Variants in FER1L6 observed in about 807,000 individuals in gnomAD.
The protein encoded by FER1L6 is fer-1-like protein 6.
FER1L6 carries 177 observed loss-of-function variants against 219.2 expected under a neutral mutation model. The ratio of observed to expected loss-of-function variants is 0.81; its 90% CI spans 0.71 to 0.91. The LOEUF (loss-of-function observed/expected upper bound fraction) is 0.91, where lower values mean the gene tolerates loss of function less well. Among genes scored for constraint, FER1L6 ranks in the 40% least tolerant of loss-of-function variants. The pLI, the probability that FER1L6 is intolerant of heterozygous loss-of-function variation, is 0.00. For missense variants in FER1L6, 2,153 were observed against 2,259.9 expected (o/e 0.95, Z 0.96); for synonymous variants, 768 against 824.3 (o/e 0.93, Z 1.17).
At chr8:123,977,269 C>G in intron 9 of FER1L6, 148 bp from the exon 10 acceptor site, 1 of 715,704 alleles carries the variant, frequency 1.4e-6, no homozygotes. Context: ...TCATCAGTCA[C>G]GTTCGCTGAG....
At chr8:123,983,653 G>T (rs1394411771) in intron 11 of FER1L6, among the ~76,000 whole-genome samples, 2 of 152,100 alleles carry the variant, frequency 1.3e-5, no homozygotes, top group African/African-American at 2.4e-5. Context: ...GTTACTGCTT[G>T]GCCTCTGGGG....
chr8:124,043,247 G>A (rs1206355695), intron 20 of FER1L6, among the ~76,000 whole-genome samples: 4 of 152,162 alleles, frequency 2.6e-5, no homozygotes, highest in Non-Finnish European at 5.9e-5. Flanking sequence ...TCATAACTCC[G>A]CAGGGTAGGT....
chr8:124,035,503 T>C (rs1434418804), intron 19 of FER1L6, 49 bp downstream of exon 19: 1 of 1,556,320 alleles, frequency 6.4e-7, no homozygotes, highest in African/African-American at 1.4e-5. Flanking sequence ...TCAGGTGGGC[T>C]TCTGAAAAGA....
At chr8:124,056,976 G>A (rs762927764) in intron 22 of FER1L6, among the ~76,000 whole-genome samples, 21 of 152,134 alleles carry the variant, frequency 1.4e-4, no homozygotes, top group Non-Finnish European at 2.5e-4. Flanking sequence ...CCTGGGAGGC[G>A]GAGGTTGCAG....
intron 12 of FER1L6, among the ~76,000 whole-genome samples, chr8:123,988,353 C>A (rs1816693152): frequency 6.6e-6 from 1 of 152,088 alleles, no homozygotes; most frequent in Non-Finnish European, 1.5e-5. Context: ...TTTTCTATTT[C>A]TATGAAGAAT....
chr8:123,969,724 G>C (rs1815708681), intron 5 of FER1L6, among the ~76,000 whole-genome samples: 1 of 151,964 alleles, frequency 6.6e-6, no homozygotes, highest in South Asian at 2.1e-4. Flanking sequence ...AAATTATCCA[G>C]GTGTGGTGGT....
At chr8:123,878,965 G>A (rs1314361482) in intron 1 of FER1L6, among the ~76,000 whole-genome samples, 2 of 152,156 alleles carry the variant, frequency 1.3e-5, no homozygotes, top group South Asian at 2.1e-4. Flanking sequence ...TAAAAAGTGA[G>A]ATTAGCAAAT....
chr8:123,991,470 G>A (rs943592770), intron 12 of FER1L6, among the ~76,000 whole-genome samples: 1 of 151,390 alleles, frequency 6.6e-6, no homozygotes, highest in Non-Finnish European at 1.5e-5. Flanking sequence ...TGCAGCTATT[G>A]TAAAAGGGAT....
chr8:123,903,301 T>A (rs1812891872), intron 1 of FER1L6, among the ~76,000 whole-genome samples: 1 of 152,230 alleles, frequency 6.6e-6, no homozygotes, highest in Non-Finnish European at 1.5e-5. Flanking sequence ...ATTCTGTTTT[T>A]AGTAGTGGTA....
chr8:124,024,337 G>C (rs1471986026), intron 18 of FER1L6, among the ~76,000 whole-genome samples: 1 of 151,444 alleles, frequency 6.6e-6, no homozygotes, highest in African/African-American at 2.4e-5. Context: ...GTAGTTTTTT[G>C]TCCCTCATCC....
At chr8:124,071,405 A>C in intron 30 of FER1L6, 101 bp from the exon 31 acceptor site, 1 of 1,500,700 alleles carries the variant, frequency 6.7e-7, no homozygotes, top group South Asian at 1.2e-5. Flanking sequence ...AGGTCCTGCA[A>C]ATTCCCAAGC....
chr8:123,963,140 G>A (rs1465344576), intron 2 of FER1L6, 138 bp from the exon 3 acceptor site: 5 of 1,149,510 alleles, frequency 4.3e-6, no homozygotes, highest in African/African-American at 1.6e-5. Context: ...AAGATGTTAA[G>A]TTTTATGCTG....
intron 30 of FER1L6, 83 bp from the exon 31 acceptor site, chr8:124,071,423 A>C (rs1461051688): frequency 1.3e-6 from 2 of 1,557,220 alleles, no homozygotes; most frequent in Admixed American, 3.5e-5. Flanking sequence ...AGCTGTGCCC[A>C]TTTTCCCAGC....
intron 1 of FER1L6, among the ~76,000 whole-genome samples, chr8:123,870,987 G>C (rs1270024212): frequency 6.6e-6 from 1 of 152,176 alleles, no homozygotes; most frequent in African/African-American, 2.4e-5. Flanking sequence ...ATGGAGGTAT[G>C]TGTTAATTAT....
chr8:123,962,372 AG>A (rs1815327520), intron 2 of FER1L6, among the ~76,000 whole-genome samples: 1 of 152,184 alleles, frequency 6.6e-6, no homozygotes, highest in Non-Finnish European at 1.5e-5. Flanking sequence ...CTAGAGAAAA[AG>A]AAAAACCTGT....
intron 39 of FER1L6, among the ~76,000 whole-genome samples, chr8:124,117,478 A>C (rs1044584576): frequency 4.6e-5 from 7 of 152,254 alleles, no homozygotes; most frequent in Non-Finnish European, 8.8e-5. Flanking sequence ...TATGGGGCTA[A>C]GATTTCTCAA....
intron 3 of FER1L6, among the ~76,000 whole-genome samples, chr8:123,964,643 A>G (rs1815453847): frequency 6.6e-6 from 1 of 152,176 alleles, no homozygotes; most frequent in South Asian, 2.1e-4. Flanking sequence ...TATTCATTTT[A>G]CAAGGGTGAT....
At chr8:123,922,313 T>C (rs1321771627) in intron 1 of FER1L6, among the ~76,000 whole-genome samples, 1 of 152,152 alleles carries the variant, frequency 6.6e-6, no homozygotes, top group African/African-American at 2.4e-5. Flanking sequence ...TGACAGAAGG[T>C]AACATCTGTG....
intron 1 of FER1L6, among the ~76,000 whole-genome samples, chr8:123,914,970 T>C (rs1279345547): frequency 1.3e-5 from 2 of 152,214 alleles, no homozygotes; most frequent in Non-Finnish European, 2.9e-5. Context: ...GAGGTAATTA[T>C]TGCTAATGTT....
Sources: gnomAD v4.1 joint callset for allele counts (sites outside exome capture counted in the v4.1 genomes callset) on GRCh38, gnomAD v4.1.1 for gene constraint, MANE v1.5 for transcripts, NCBI Gene and HGNC (gene_info 2026-07-23, HGNC 2026-07-21) for gene names.